The following CDAN1 variants were observed in gnomAD, a reference collection of about 807,000 sequenced individuals.
CDAN1 encodes the protein codanin 1, also known as codanin-1.
Under a neutral mutation model 139.8 loss-of-function variants are expected in CDAN1, and 107 were observed. The ratio of observed to expected loss-of-function variants is 0.77; its 90% confidence interval spans 0.65 to 0.90. The LOEUF is 0.90. Among genes scored for constraint, CDAN1 ranks in the 40% least tolerant of loss-of-function variants. The probability of loss-of-function intolerance (pLI) is 0.00; values close to 1 mark genes in which losing one functional copy is unlikely to be tolerated. For missense variants in CDAN1, 1,667 were observed against 1,575.7 expected (o/e 1.06, Z -0.98); for synonymous variants, 776 against 660.6 (o/e 1.17, Z -2.68).
In CDAN1 at chr15:42,731,364, TG is replaced by T. The variant is rs763870993; in HGVS notation, c.1740-34del. On this transcript the variant is annotated intron_variant, in intron 11 of 27. Coordinates refer to ENST00000356231, the MANE Select transcript of CDAN1 (RefSeq NM_138477.4). ...GAAGGGGTGGGTGGGGCATAAGCAC[TG>T]GAAGAGGTACAGGAAAAGCCAGAAT... is the stretch of plus-strand genomic sequence containing the variant. 4 of 1,611,832 alleles carry T rather than the reference TG, an allele frequency of 2.5e-6. No homozygotes were observed. In the South Asian group the frequency reaches 3.3e-5, roughly 13 times the overall value.
Position 42,735,319 on chromosome 15 carries a change from A to G in CDAN1, c.999T>C (p.Thr333=). 6.2e-7 allele frequency: 1 copy of G among 1,610,706 alleles called. No homozygotes were observed. The highest frequency in any genetic ancestry group is 2.2e-5 in the East Asian group (1 of 44,830). ...LELFFVFQLL[T]ARRMVTAKDS... ...CCTTGGCAGTCACCATCCTCCGGGC[A>G]GTGAGGAGCTGAAAGACGAAGAAAA... is the stretch of plus-strand genomic sequence containing the variant. The change falls in exon 5 of 28, where the codon ACT becomes ACC. Residue 333 remains threonine (T), a synonymous_variant. Coordinates refer to ENST00000356231, the MANE Select transcript of CDAN1 (RefSeq NM_138477.4).
At position 42,732,435 on chromosome 15, in the gene CDAN1, G is replaced by A. The variant is rs375401579; in HGVS notation, c.1458-27C>T. 1.9e-6 allele frequency: 3 copies of A among 1,600,206 alleles called. No homozygotes were observed. The African/African-American group carries it at 4.0e-5, about 21-fold the overall frequency. On this transcript the variant is annotated intron_variant, in intron 9 of 27. Transcript: ENST00000356231. ...TGAGGAATAGAAGGCAGGAATGAAGGGTGTGGAAAGGAGGGAGAGGGAGAA... is the reference window on the plus strand; with the variant it reads ...TGAGGAATAGAAGGCAGGAATGAAGAGTGTGGAAAGGAGGGAGAGGGAGAA...
intron 14 of CDAN1, 65 bp from the exon 15 acceptor site, chr15:42,730,280 A>G (rs573359827): frequency 1.4e-6 from 2 of 1,438,250 alleles, no homozygotes; most frequent in East Asian, 2.3e-5. Flanking sequence ...GGCAAACGCC[A>G]TCAGTGGAAA....
intron 4 of CDAN1, 50 bp downstream of exon 4, chr15:42,735,460 C>T (rs2061674842): frequency 6.2e-7 from 1 of 1,608,624 alleles, no homozygotes; most frequent in Non-Finnish European, 8.5e-7. Context: ...ATTCTCTTAC[C>T]CATAAGTTCT....
rs753406643 is a variant in CDAN1, at chr15:42,727,940, C to G, written c.2947+15G>C. 9 of 1,613,070 alleles carry G rather than the reference C, an allele frequency of 5.6e-6. No homozygotes were observed. The East Asian group carries it at 2.0e-4, about 36-fold the overall frequency. Reference sequence around the variant, plus strand: ...TAAACACTTGATTCAGCCACTCCCCCATCCAGGACCTTACCTGTGATGTTG... The same window carrying G: ...TAAACACTTGATTCAGCCACTCCCCGATCCAGGACCTTACCTGTGATGTTG... On this transcript the variant is annotated intron_variant, in intron 22 of 27. Coordinates refer to ENST00000356231, the MANE Select transcript of CDAN1 (RefSeq NM_138477.4).
rs906185429 is a variant in CDAN1, at chr15:42,726,335, A to C, written c.3179T>G (p.Leu1060Arg). The C allele has an allele frequency of 1.9e-6, 3 of 1,592,046 alleles. No individual in the cohort carries two copies. The highest frequency in any genetic ancestry group is 2.6e-6 in the Non-Finnish European group (3 of 1,169,488). Residue 1060 changes from leucine (L) to arginine (R), a missense_variant, in exon 24 of 28, where the codon CTG (leucine) becomes CGG (arginine). Around this residue, in one of 3 missense-constraint regions of CDAN1, gnomAD observed 936 missense variants for 844.1 expected, o/e 1.11. Coordinates refer to ENST00000356231, the MANE Select transcript of CDAN1 (RefSeq NM_138477.4). ...PEHLEQLLGQ[L>R]GQTLRCRQFL... is the part of the protein sequence containing the mutation. Reference sequence around the variant, plus strand: ...CTGGCGGCACCGCAGCGTCTGGCCCAGCTGGCCTAGGAGCTGTTCCAGATG... The same window carrying C: ...CTGGCGGCACCGCAGCGTCTGGCCCCGCTGGCCTAGGAGCTGTTCCAGATG...
chr15:42,726,204 A>G (rs1037783864), intron 24 of CDAN1, 44 bp from the exon 25 acceptor site: 23 of 1,608,972 alleles, frequency 1.4e-5, no homozygotes, highest in Non-Finnish European at 1.9e-5. Context: ...AGGTATCACC[A>G]TGCTTACTGC....
chr15:42,725,383 G>A, intron 26 of CDAN1, 106 bp downstream of exon 26: 1 of 1,505,936 alleles, frequency 6.6e-7, no homozygotes, highest in Non-Finnish European at 9.2e-7. Context: ...TTTCTGTGTG[G>A]AACAGGAAGG....
intron 7 of CDAN1, 78 bp downstream of exon 7, chr15:42,734,148 T>C: frequency 6.2e-7 from 1 of 1,610,130 alleles, no homozygotes; most frequent in South Asian, 1.1e-5. Context: ...TGAAGTGTCG[T>C]CAGCAGGGTT....
chr15:42,726,081 T>G lies in CDAN1; in HGVS notation c.3268+16A>C. Reference sequence around the variant, plus strand: ...GGGATCAGGCAAGAGAGGGATTTGATGGAAAGCAACCATACCGAGGAGGGA... The same window carrying G: ...GGGATCAGGCAAGAGAGGGATTTGAGGGAAAGCAACCATACCGAGGAGGGA... On this transcript the variant is annotated intron_variant, in intron 25 of 27. Coordinates refer to ENST00000356231, the MANE Select transcript of CDAN1 (RefSeq NM_138477.4). 1 of 1,612,100 alleles carries G rather than the reference T, an allele frequency of 6.2e-7. No individual in the cohort carries two copies. The highest frequency in any genetic ancestry group is 8.5e-7 in the Non-Finnish European group (1 of 1,179,268).
chr15:42,734,825 C>T (rs1387304450), intron 6 of CDAN1, among the ~76,000 whole-genome samples: 4 of 137,858 alleles, frequency 2.9e-5, no homozygotes, highest in Admixed American at 7.1e-5. Context: ...TGTCATGTTG[C>T]CCAGGCTGGT....
Position 42,729,606 on chromosome 15 carries a change from A to C in CDAN1, c.2369T>G (p.Val790Gly), listed in dbSNP as rs2061581614. 1 of 1,613,902 alleles carries C rather than the reference A, an allele frequency of 6.2e-7. No individual in the cohort carries two copies. Among genetic ancestry groups the C allele is most frequent in the Non-Finnish European group, 8.5e-7 (1 of 1,180,000 alleles). ...GCAGGTGTAGAGCAGCTGCTGGTCC[A>C]CCACAGGCGCATTGTCCTGGGGAGA... The part of the protein sequence containing the change: ...PEHGLDNAPV[V>G]DQQLLYTCCP... The change falls in exon 17 of 28, where the codon GTG becomes GGG. Residue 790 changes from valine to glycine, a missense_variant. This residue lies in a region of CDAN1 where 936 missense variants were observed against 844.1 expected (regional missense o/e 1.11). Coordinates refer to ENST00000356231, the MANE Select transcript of CDAN1 (RefSeq NM_138477.4).
intron 25 of CDAN1, 68 bp from the exon 26 acceptor site, chr15:42,725,738 A>C: frequency 2.6e-6 from 4 of 1,513,756 alleles, no homozygotes; most frequent in Non-Finnish European, 3.6e-6. Context: ...CACACCTATA[A>C]TCCCAACACT....
rs1239503546 is a variant in CDAN1 at position 42,726,292 on chromosome 15, G to C, written c.3204+18C>G. On this transcript the variant is annotated intron_variant, in intron 24 of 27. Coordinates refer to ENST00000356231, the MANE Select transcript of CDAN1 (RefSeq NM_138477.4). ...GGACACAGAAAAAAGCCCCCCGGTG[G>C]CAGATGCCACAGCTCACCTGGCGGC... 4 of 1,586,742 alleles carry C rather than the reference G, an allele frequency of 2.5e-6. No individual in the cohort carries two copies. Among genetic ancestry groups the C allele is most frequent in the Admixed American group, 1.8e-5 (1 of 55,038 alleles).
rs773074266 is a variant in CDAN1 at position 42,734,208 on chromosome 15, C to G, written c.1257+18G>C. ...GGGTTAGGTCCAGGCTAGTGGGCAA[C>G]TAAGCTGGGGTTACTACCTTGGCAA... On this transcript the variant is annotated intron_variant, in intron 7 of 27. Transcript: ENST00000356231. 1.2e-6 allele frequency: 2 copies of G among 1,614,002 alleles called. No individual in the cohort carries two copies. Among genetic ancestry groups the G allele is most frequent in the Non-Finnish European group, 1.7e-6 (2 of 1,180,048 alleles).
In CDAN1 at chr15:42,728,337, G is replaced by A; in HGVS notation, c.2805-70C>T. 2.0e-6 allele frequency: 3 copies of A among 1,524,224 alleles called. No individual in the cohort carries two copies. The East Asian group carries it at 6.8e-5, about 34-fold the overall frequency. The allele number at this position is 1,524,224 out of a possible 1,614,324, so 94.4% of individuals were successfully genotyped here. On this transcript the variant is annotated intron_variant, in intron 20 of 27. Coordinates refer to ENST00000356231, the MANE Select transcript of CDAN1 (RefSeq NM_138477.4). ...CTGGCTGCAGAAGTAAATGCCCCGA[G>A]TGCACCAAGCCCCTGACCTGGGAGG... is the stretch of plus-strand genomic sequence containing the variant.
rs755830767 is a variant in CDAN1 at position 42,731,334 on chromosome 15, GAGA to G, written c.1740-6_1740-4del. ...TGAGATGCTGGTTAAACTGGAAGCT[GAGA>G]AGAAGGGGTGGGTGGGGCATAAGCA... On this transcript the variant is annotated splice_region_variant and splice_polypyrimidine_tract_variant and intron_variant, in intron 11 of 27. Transcript: ENST00000356231. 3.7e-5 allele frequency: 60 copies of G among 1,613,706 alleles called. No individual in the cohort carries two copies. The African/African-American group carries it at 4.8e-4, about 13-fold the overall frequency.
intron 22 of CDAN1, 59 bp downstream of exon 22, chr15:42,727,895 CT>C: frequency 5.6e-6 from 9 of 1,601,938 alleles, no homozygotes; most frequent in Non-Finnish European, 7.7e-6. Context: ...ATGCCTCTGA[CT>C]CTCTGCCAGT....
At chr15:42,731,898 G>A (rs541921465) in intron 10 of CDAN1, 73 bp from the exon 11 acceptor site, 1 of 1,365,936 alleles carries the variant, frequency 7.3e-7, no homozygotes, top group African/African-American at 1.4e-5. Flanking sequence ...AAAAAATAAG[G>A]AGAAAGTAAT....
Sources: gnomAD v4.1 joint callset for allele counts (sites outside exome capture counted in the v4.1 genomes callset) on GRCh38, gnomAD v4.1.1 for gene constraint, gnomAD v4.1.1 regional missense constraint, MANE v1.5 for transcripts, NCBI Gene and HGNC (gene_info 2026-07-23, HGNC 2026-07-21) for gene names.